CTNNA3: variants seen among roughly 807,000 people sequenced by gnomAD.
CTNNA3 encodes the protein catenin alpha 3.
A neutral mutation model predicts 95.7 loss-of-function variants in CTNNA3; 76 were observed. The observed-to-expected ratio is 0.79, with a 90% CI of 0.66 to 0.96. CTNNA3 has a LOEUF of 0.96. Among genes scored for constraint, CTNNA3 ranks in the 40% least tolerant of loss-of-function variants. CTNNA3 has a pLI of 0.00. For synonymous variants in CTNNA3, 431 were observed against 374.4 expected, an observed-to-expected ratio of 1.15 and a Z score of -1.74; for missense variants, 1,191 against 1,089.8, an observed-to-expected ratio of 1.09 and a Z score of -1.31.
intron 9 of CTNNA3, among the ~76,000 whole-genome samples, chr10:66,649,242 G>A (rs986120251): frequency 6.6e-6 from 1 of 152,098 alleles, no homozygotes; most frequent in African/African-American, 2.4e-5. Flanking sequence ...GTAGAAATAA[G>A]AATTAGAAAA....
intron 9 of CTNNA3, among the ~76,000 whole-genome samples, chr10:66,711,801 C>T (rs2132608134): frequency 6.6e-6 from 1 of 152,164 alleles, no homozygotes; most frequent in African/African-American, 2.4e-5. Flanking sequence ...GAACTCCTGA[C>T]CTTGGTGATC....
intron 9 of CTNNA3, among the ~76,000 whole-genome samples, chr10:66,740,820 G>C (rs2132696184): frequency 6.6e-6 from 1 of 152,206 alleles, no homozygotes; most frequent in Non-Finnish European, 1.5e-5. Flanking sequence ...CTAGAGCAAG[G>C]GATTTTGAAG....
intron 11 of CTNNA3, among the ~76,000 whole-genome samples, chr10:66,455,296 C>T (rs1249634767): frequency 6.6e-6 from 1 of 152,092 alleles, no homozygotes; most frequent in Non-Finnish European, 1.5e-5. Context: ...GAAATAAAAA[C>T]TTAAAATGAA....
chr10:66,462,931 G>C (rs2093539371), intron 11 of CTNNA3, among the ~76,000 whole-genome samples: 1 of 152,020 alleles, frequency 6.6e-6, no homozygotes, highest in Non-Finnish European at 1.5e-5. Context: ...TTTAAGGATA[G>C]TTTTCTAAAA....
chr10:66,320,081 T>G (rs2092160063), intron 12 of CTNNA3, among the ~76,000 whole-genome samples: 1 of 152,102 alleles, frequency 6.6e-6, no homozygotes, highest in East Asian at 1.9e-4. Flanking sequence ...GTTGTGAGCT[T>G]TTACGCAGCA....
chr10:67,164,089 GA>G (rs57635341), intron 7 of CTNNA3, among the ~76,000 whole-genome samples: 56,629 of 151,398 alleles, frequency 0.37, 15,483 homozygotes, highest in African/African-American at 0.78. Flanking sequence ...TAAAACCTAA[GA>G]AAAAAATTTT....
At chr10:66,104,388 G>A (rs988531391) in intron 13 of CTNNA3, among the ~76,000 whole-genome samples, 8 of 152,186 alleles carry the variant, frequency 5.3e-5, no homozygotes, top group Non-Finnish European at 1.2e-4. Context: ...ACATGTCAAA[G>A]TGCTTAACAA....
rs57568830 is a variant in CTNNA3 at position 67,133,548 on chromosome 10, C to A, written c.1047+46769G>T. On this transcript the variant is annotated intron_variant, in intron 7 of 17. Coordinates refer to ENST00000433211, the MANE Select transcript of CTNNA3 (RefSeq NM_013266.4). ...AGGGAGCTGCATGCCTAGGGAGCATCCATTGCTGAGAATTATGCCACATAG... is the reference window on the plus strand; with the variant it reads ...AGGGAGCTGCATGCCTAGGGAGCATACATTGCTGAGAATTATGCCACATAG... Among the ~76,000 whole-genome samples, 3 of 151,406 alleles carry A rather than the reference C, an allele frequency of 2.0e-5. No individual in the cohort carries two copies. The East Asian group carries it at 5.8e-4, about 29-fold the overall frequency.
Position 65,917,415 on chromosome 10 carries a change from C to A in CTNNA3, c.*2915G>T, listed in dbSNP as rs2077020409. On this transcript the variant is annotated 3_prime_UTR_variant, in exon 18 of 18. Transcript: ENST00000433211. ...CTCACTTTTTATATTTGATAGAAAT[C>A]TTCAAATTTCTCTAATTAGAAGGCC... 6.6e-6 allele frequency: 1 copy of A among 151,052 alleles called. No individual in the cohort carries two copies. Among genetic ancestry groups the A allele is most frequent in the Non-Finnish European group, 1.5e-5 (1 of 67,878 alleles). 9.4% of individuals were successfully genotyped at this position (151,052 alleles called of 1,614,324 possible).
chr10:66,983,887 G>A (rs1850584513), intron 7 of CTNNA3, among the ~76,000 whole-genome samples: 1 of 152,198 alleles, frequency 6.6e-6, no homozygotes, highest in Admixed American at 6.5e-5. Flanking sequence ...GCACTTGCTA[G>A]GTGATAGGCT....
At chr10:67,263,615 T>C (rs1188079346) in intron 5 of CTNNA3, among the ~76,000 whole-genome samples, 1 of 152,186 alleles carries the variant, frequency 6.6e-6, no homozygotes, top group African/African-American at 2.4e-5. Context: ...CCCTGCTTCA[T>C]CTTGGTAAGG....
At chr10:66,858,907 T>C (rs1236615484) in intron 7 of CTNNA3, among the ~76,000 whole-genome samples, 3 of 152,066 alleles carry the variant, frequency 2.0e-5, no homozygotes, top group African/African-American at 7.2e-5. Flanking sequence ...ATTTTGCTTA[T>C]TTCTTATGCT....
At chr10:66,840,360 TCTCTCTCTCTCTCACACACACA>T (rs1417399253) in intron 7 of CTNNA3, among the ~76,000 whole-genome samples, 2 of 118,828 alleles carry the variant, frequency 1.7e-5, no homozygotes, top group Non-Finnish European at 3.3e-5. Flanking sequence ...TCTCTCTCTC[TCTCTCTCTCTCTCACACACACA>T]CACACACACA....
intron 5 of CTNNA3, among the ~76,000 whole-genome samples, chr10:67,514,947 C>T (rs1839766272): frequency 6.6e-6 from 1 of 152,054 alleles, no homozygotes; most frequent in Non-Finnish European, 1.5e-5. Context: ...TACCTAAGTG[C>T]CACCAATAAA....
intron 12 of CTNNA3, among the ~76,000 whole-genome samples, chr10:66,350,482 A>T (rs776038000): frequency 1.3e-5 from 2 of 152,046 alleles, no homozygotes; most frequent in Non-Finnish European, 2.9e-5. Context: ...TAAGGGCAAG[A>T]GATACATTTC....
intron 11 of CTNNA3, among the ~76,000 whole-genome samples, chr10:66,515,453 A>G (rs1014708383): frequency 3.3e-5 from 5 of 152,066 alleles, no homozygotes; most frequent in Non-Finnish European, 7.4e-5. Flanking sequence ...TTCACAACAC[A>G]GATACGCTAA....
At chr10:66,718,614 ATAT>A (rs1258591773) in intron 9 of CTNNA3, among the ~76,000 whole-genome samples, 23 of 149,024 alleles carry the variant, frequency 1.5e-4, no homozygotes, top group Admixed American at 6.7e-4. Flanking sequence ...TAAAACTGTA[ATAT>A]TATAATTAAA....
intron 7 of CTNNA3, among the ~76,000 whole-genome samples, chr10:66,994,468 A>G (rs1851217953): frequency 6.6e-6 from 1 of 152,194 alleles, no homozygotes; most frequent in South Asian, 2.1e-4. Context: ...CTCAATTACC[A>G]AATATCTGCA....
intron 12 of CTNNA3, among the ~76,000 whole-genome samples, chr10:66,364,489 CT>C (rs1207356133): frequency 1.3e-5 from 2 of 151,922 alleles, no homozygotes; most frequent in Non-Finnish European, 2.9e-5. Context: ...AAAAACAACA[CT>C]TTTTTATATT....
Sources: allele counts gnomAD v4.1 joint callset (sites outside exome capture counted in the v4.1 genomes callset), GRCh38; gene constraint gnomAD v4.1.1; transcripts MANE v1.5; gene names NCBI Gene and HGNC (gene_info 2026-07-23, HGNC 2026-07-21).